RHOF: variants seen among roughly 807,000 people sequenced by gnomAD.
The protein encoded by RHOF is rho-related GTP-binding protein RhoF.
A neutral mutation model predicts 22.2 loss-of-function variants in RHOF; 21 were observed. That is an observed-to-expected ratio of 0.95 (90% CI 0.67 to 1.36). The LOEUF (loss-of-function observed/expected upper bound fraction) is 1.36. Ranked by LOEUF, RHOF falls within the 40% of genes most tolerant of loss-of-function variation. RHOF has a pLI of 0.00. For missense variants in RHOF, 285 were observed against 293.7 expected, an observed-to-expected ratio of 0.97 and a Z score of 0.22; for synonymous variants, 135 against 131.2, an observed-to-expected ratio of 1.03 and a Z score of -0.20.
intron 2 of RHOF, among the ~76,000 whole-genome samples, chr12:121,783,155 C>G (rs1266222754): frequency 6.6e-6 from 1 of 150,536 alleles, no homozygotes; most frequent in East Asian, 2.0e-4. Flanking sequence ...CACCCCCCGC[C>G]CCTACACCAT....
intron 2 of RHOF, among the ~76,000 whole-genome samples, chr12:121,790,409 A>C (rs1874734474): frequency 6.6e-6 from 1 of 152,132 alleles, no homozygotes; most frequent in Non-Finnish European, 1.5e-5. Context: ...GCCTCTCTCT[A>C]CGTGGCCGCC....
At position 121,786,061 on chromosome 12, in the gene RHOF, G is replaced by A. The variant is rs567725188; in HGVS notation, c.227-4869C>T. On this transcript the variant is annotated intron_variant, in intron 2 of 4. Transcript: ENST00000267205. ...CTCCAGAGTAGCTGGGACTACAGGC[G>A]CCCACCACCACGCCCGGCTAATTTT... Among the ~76,000 whole-genome samples the A allele has an allele frequency of 1.1e-4, 16 of 150,918 alleles. No individual in the cohort carries two copies. The South Asian group carries it at 1.3e-3, about 12-fold the overall frequency.
intron 2 of RHOF, among the ~76,000 whole-genome samples, chr12:121,787,045 A>G (rs1418769494): frequency 6.6e-6 from 1 of 152,046 alleles, no homozygotes; most frequent in African/African-American, 2.4e-5. Flanking sequence ...CTCAAAACAA[A>G]AACAAAAATC....
intron 2 of RHOF, among the ~76,000 whole-genome samples, chr12:121,789,398 A>G (rs1221265956): frequency 2.0e-5 from 3 of 151,604 alleles, no homozygotes; most frequent in Non-Finnish European, 4.4e-5. Context: ...TGCCGCACAC[A>G]GGGCTATTTT....
At position 121,779,381 on chromosome 12, in the gene RHOF, G is replaced by T. The variant is rs958483960; in HGVS notation, c.*117C>A. ...AGTTCCAGAATGTTCCAAGAGTCTA[G>T]CCGCAGGCCCCAGACACCATGAGCT... On this transcript the variant is annotated 3_prime_UTR_variant, in exon 5 of 5. Transcript: ENST00000267205. 2 of 1,107,246 alleles carry T rather than the reference G, an allele frequency of 1.8e-6. No homozygotes were observed. The highest frequency in any genetic ancestry group is 3.1e-5 in the African/African-American group (2 of 63,814). 68.6% of individuals were successfully genotyped at this position (1,107,246 alleles called of 1,614,324 possible). A position where few individuals can be genotyped will look rare whatever the true frequency, so the allele number is the denominator to read the frequency against.
rs753156820 is a variant in RHOF, at chr12:121,793,243, C to A, written c.139-4G>T. 1.3e-6 allele frequency: 2 copies of A among 1,550,748 alleles called. No homozygotes were observed. The highest frequency in any genetic ancestry group is 1.2e-5 in the South Asian group (1 of 84,066). On this transcript the variant is annotated splice_region_variant and splice_polypyrimidine_tract_variant and intron_variant, in intron 1 of 4. Coordinates refer to ENST00000267205, the MANE Select transcript of RHOF (RefSeq NM_019034.3). ...CGAACACCGATGGGGCGTAGTGCTG[C>A]GGGAGAGGGGGTCGGGTTGGTCCTT...
chr12:121,785,276 T>C (rs1874576954), intron 2 of RHOF, among the ~76,000 whole-genome samples: 1 of 152,206 alleles, frequency 6.6e-6, no homozygotes, highest in Non-Finnish European at 1.5e-5. Context: ...GAGCAGTGCA[T>C]GATCTAAAAT....
intron 2 of RHOF, chr12:121,781,462 C>T: frequency 2.5e-6 from 1 of 404,844 alleles, no homozygotes; most frequent in Non-Finnish European, 4.6e-6. Flanking sequence ...CAGAGCGAGA[C>T]CCTGTCTCTT....
chr12:121,785,023 C>CAAT (rs71453576), intron 2 of RHOF, among the ~76,000 whole-genome samples: 31,118 of 151,936 alleles, frequency 0.2, 3,721 homozygotes, highest in African/African-American at 0.33. Context: ...AGATTAACAA[C>CAAT]AAGAATAAAA....
At chr12:121,779,814 G>C in intron 4 of RHOF, 152 bp from the exon 5 acceptor site, 1 of 780,228 alleles carries the variant, frequency 1.3e-6, no homozygotes, top group African/African-American at 1.7e-5. Context: ...GCCCCTCACA[G>C]TGTGTGGGTG....
At chr12:121,791,020 T>C (rs1874750211) in intron 2 of RHOF, among the ~76,000 whole-genome samples, 2 of 150,180 alleles carry the variant, frequency 1.3e-5, no homozygotes, top group Non-Finnish European at 3.0e-5. Flanking sequence ...ACTATAGGTA[T>C]GTGCCAACAC....
intron 2 of RHOF, among the ~76,000 whole-genome samples, chr12:121,786,110 C>T (rs1179107122): frequency 4.0e-5 from 6 of 151,302 alleles, no homozygotes; most frequent in Non-Finnish European, 2.9e-5. Flanking sequence ...TAAGTAGAGA[C>T]GGGGTTTCAC....
chr12:121,790,135 TC>T (rs1874726569), intron 2 of RHOF, among the ~76,000 whole-genome samples: 1 of 152,166 alleles, frequency 6.6e-6, no homozygotes, highest in African/African-American at 2.4e-5. Context: ...TGTAACTACT[TC>T]CTCAGGAGGG....
At chr12:121,788,459 C>T (rs996548992) in intron 2 of RHOF, among the ~76,000 whole-genome samples, 1 of 152,028 alleles carries the variant, frequency 6.6e-6, no homozygotes, top group Non-Finnish European at 1.5e-5. Flanking sequence ...TCAGTGTGGG[C>T]CTTTGGGGCG....
chr12:121,779,364 A>G lies in RHOF; in HGVS notation c.*134T>C. ...CAGCCAGGAAAGGAGAGAGTTCCAGAATGTTCCAAGAGTCTAGCCGCAGGC... is the reference window on the plus strand; with the variant it reads ...CAGCCAGGAAAGGAGAGAGTTCCAGGATGTTCCAAGAGTCTAGCCGCAGGC... On this transcript the variant is annotated 3_prime_UTR_variant, in exon 5 of 5. Transcript: ENST00000267205. 5.4e-6 allele frequency: 5 copies of G among 931,298 alleles called. No homozygotes were observed. The highest frequency in any genetic ancestry group is 6.3e-6 in the Non-Finnish European group (4 of 633,950). The allele number at this position is 931,298 out of a possible 1,614,324, so 57.7% of individuals were successfully genotyped here. A position where few individuals can be genotyped will look rare whatever the true frequency, so the allele number is the denominator to read the frequency against.
In RHOF at chr12:121,779,821, G is replaced by A. The variant is rs1012849008; in HGVS notation, c.472-159C>T. The A allele has an allele frequency of 1.7e-5, 13 of 756,128 alleles. No homozygotes were observed. The African/African-American group carries it at 1.8e-4, about 10-fold the overall frequency. 46.8% of individuals were successfully genotyped at this position (756,128 alleles called of 1,614,324 possible). A position where few individuals can be genotyped will look rare whatever the true frequency, so the allele number is the denominator to read the frequency against. ...TCCTGGCTGCCCCTCACAGTGTGTG[G>A]GTGGAATGGAGGGCCAGGGCAGTGC... On this transcript the variant is annotated intron_variant, in intron 4 of 4. Coordinates refer to ENST00000267205, the MANE Select transcript of RHOF (RefSeq NM_019034.3).
At chr12:121,782,067 A>C (rs969426987) in intron 2 of RHOF, 6 of 152,184 alleles carry the variant, frequency 3.9e-5, no homozygotes, top group African/African-American at 1.4e-4. Context: ...CACGAGTATG[A>C]AGAGCTCTCT....
At chr12:121,793,284 G>A (rs1874812040) in intron 1 of RHOF, 45 bp from the exon 2 acceptor site, 2 of 1,519,896 alleles carry the variant, frequency 1.3e-6, no homozygotes, top group East Asian at 4.9e-5. Flanking sequence ...GGCCGGCGGG[G>A]GCCAAAGTTC....
At chr12:121,786,391 A>C (rs1195038372) in intron 2 of RHOF, among the ~76,000 whole-genome samples, 2 of 152,176 alleles carry the variant, frequency 1.3e-5, no homozygotes, top group African/African-American at 4.8e-5. Context: ...AGCAGAGACA[A>C]GGGTTGAGAC....
Sources: gnomAD v4.1 joint callset for allele counts (sites outside exome capture counted in the v4.1 genomes callset) on GRCh38, gnomAD v4.1.1 for gene constraint, MANE v1.5 for transcripts, NCBI Gene and HGNC (gene_info 2026-07-23, HGNC 2026-07-21) for gene names.